The following AATK variants were observed in gnomAD, a reference collection of about 807,000 sequenced individuals.
The protein encoded by AATK is serine/threonine-protein kinase LMTK1.
In AATK, 91 loss-of-function variants were observed where a neutral mutation model predicts 114.3. The observed-to-expected ratio is 0.80, with a 90% confidence interval of 0.67 to 0.95. The LOEUF (loss-of-function observed/expected upper bound fraction) is 0.95, where lower values mean the gene tolerates loss of function less well. AATK is among the 40% of genes least tolerant of loss of function. The probability of loss-of-function intolerance (pLI) is 0.00; values close to 1 mark genes in which losing one functional copy is unlikely to be tolerated. For missense variants in AATK, 2,176 were observed against 1,965.2 expected, an observed-to-expected ratio of 1.11 and a Z score of -2.03; for synonymous variants, 1,075 against 916.5, an observed-to-expected ratio of 1.17 and a Z score of -3.12.
intron 1 of AATK, 51 bp downstream of exon 1, chr17:81,165,887 T>TCCGC: frequency 6.4e-7 from 1 of 1,551,344 alleles, no homozygotes; most frequent in South Asian, 1.2e-5. Context: ...GGGCATCACG[T>TCCGC]CCGCAGCGGA....
Position 81,132,100 on chromosome 17 carries a change from G to C in AATK, c.190-895C>G, listed in dbSNP as rs772112930. On this transcript the variant is annotated intron_variant, in intron 2 of 13. Coordinates refer to ENST00000326724, the MANE Select transcript of AATK (RefSeq NM_001080395.3). ...CCCCAAGTCCAGGGCACATTCCTGC[G>C]CTGAGAGCCAAAGTCTCCAAAGTCC... 29 of 1,118,304 alleles carry C rather than the reference G, an allele frequency of 2.6e-5. No homozygotes were observed. The Middle Eastern group carries it at 9.1e-4, about 35-fold the overall frequency. The allele number at this position is 1,118,304 out of a possible 1,614,324, so 69.3% of individuals were successfully genotyped here. A position where few individuals can be genotyped will look rare whatever the true frequency, so the allele number is the denominator to read the frequency against.
chr17:81,137,131 G>A (rs1057495842), intron 1 of AATK, among the ~76,000 whole-genome samples: 3 of 152,066 alleles, frequency 2.0e-5, no homozygotes, highest in Admixed American at 2.0e-4. Context: ...GGTGGCACAA[G>A]CCTGTAATCC....
intron 1 of AATK, among the ~76,000 whole-genome samples, chr17:81,138,475 G>A (rs1025464230): frequency 1.5e-5 from 2 of 131,654 alleles, no homozygotes; most frequent in African/African-American, 6.1e-5. Flanking sequence ...CCACCCACAT[G>A]CACACATGCA....
chr17:81,164,539 G>A (rs1193753815), intron 1 of AATK, among the ~76,000 whole-genome samples: 1 of 152,244 alleles, frequency 6.6e-6, no homozygotes, highest in East Asian at 1.9e-4. Flanking sequence ...TGTTTACCCA[G>A]AGAAGGGCAG....
intron 5 of AATK, 33 bp from the exon 6 acceptor site, chr17:81,127,703 G>C (rs2060864784): frequency 1.3e-6 from 2 of 1,551,042 alleles, no homozygotes; most frequent in Non-Finnish European, 8.7e-7. Context: ...CCTGACTTGG[G>C]AGGAGGTGGG....
chr17:81,160,157 G>T, intron 1 of AATK: 1 of 673,734 alleles, frequency 1.5e-6, no homozygotes, highest in East Asian at 1.4e-4. Flanking sequence ...TGCAGGAGCA[G>T]GAGTCTCCTG....
rs56171293 is a variant in AATK at position 81,120,999 on chromosome 17, G to A, written c.2937C>T (p.Leu979=). The A allele has an allele frequency of 6.8e-6, 11 of 1,610,744 alleles. No individual in the cohort carries two copies. Among genetic ancestry groups the A allele is most frequent in the African/African-American group, 6.7e-5 (5 of 74,998 alleles). The change falls in exon 11 of 14, where the codon CTC becomes CTT. Residue 979 remains leucine (L), a synonymous_variant. Coordinates refer to ENST00000326724, the MANE Select transcript of AATK (RefSeq NM_001080395.3). The part of the protein sequence containing the change: ...EGEGPGPETR[L]STSLSGLNEK... ...CGTTGAGGCCACTGAGGGAGGTGGA[G>A]AGCCGTGTCTCGGGCCCGGGGCCCT...
Position 81,120,490 on chromosome 17 carries a change from C to T in AATK, c.3446G>A (p.Gly1149Asp), listed in dbSNP as rs61743713. 3,014 of 1,506,602 alleles carry T rather than the reference C, an allele frequency of 2.0e-3. 52 individuals are homozygous for T. The African/African-American group carries it at 0.037, about 18-fold the overall frequency. 93.3% of individuals were successfully genotyped at this position (1,506,602 alleles called of 1,614,324 possible). The change falls in exon 11 of 14, where the codon GGC becomes GAC. Residue 1149 changes from glycine to aspartate, a missense_variant. Gly to Asp is a moderately conservative substitution (Grantham distance 94). Transcript: ENST00000326724. ...CCGGCCCTCCAAGGCCGCAGGGAGG[C>T]CGGGCAGAGCCAGGCGGAGTGGGGC... ...PRAPLRLALPGLPAALEGRPE... is the reference protein window; with the variant it reads ...PRAPLRLALPDLPAALEGRPE...
intron 1 of AATK, among the ~76,000 whole-genome samples, chr17:81,155,445 T>C (rs1210054994): frequency 6.6e-6 from 1 of 152,026 alleles, no homozygotes; most frequent in Non-Finnish European, 1.5e-5. Flanking sequence ...TGGAGTGCAG[T>C]GCGTGATCTT....
rs934512872 is a variant in AATK at position 81,121,531 on chromosome 17, G to A, written c.2405C>T (p.Pro802Leu). Residue 802 changes from proline to leucine, a missense_variant, in exon 11 of 14, where the codon CCA becomes CTA. Around this residue, in one of 4 missense-constraint regions of AATK, gnomAD observed 1,701 missense variants for 1,394.7 expected, o/e 1.22. Transcript: ENST00000326724. Reference sequence around the variant, plus strand: ...GGGAAGTGGGGCTCCCTCCTGGGATGGGGAGGGGACGGAAGGAAGGGGCAG... The same window carrying A: ...GGGAAGTGGGGCTCCCTCCTGGGATAGGGAGGGGACGGAAGGAAGGGGCAG... ...PRLPLPSVPSPSQEGAPLPSE... is the reference protein window; with the variant it reads ...PRLPLPSVPSLSQEGAPLPSE... 2 of 1,540,730 alleles carry A rather than the reference G, an allele frequency of 1.3e-6. No homozygotes were observed. Among genetic ancestry groups the A allele is most frequent in the African/African-American group, 1.4e-5 (1 of 73,304 alleles).
intron 1 of AATK, among the ~76,000 whole-genome samples, chr17:81,151,429 G>C (rs927323668): frequency 9.2e-5 from 14 of 151,888 alleles, no homozygotes; most frequent in Admixed American, 3.3e-4. Context: ...GACCGTGGCC[G>C]GGGACGCGTG....
At chr17:81,157,156 C>T (rs1435587693) in intron 1 of AATK, among the ~76,000 whole-genome samples, 1 of 152,216 alleles carries the variant, frequency 6.6e-6, no homozygotes, top group East Asian at 1.9e-4. Flanking sequence ...CAAGACACCG[C>T]CCCCGCCAAG....
chr17:81,163,335 G>T (rs768281644), intron 1 of AATK, among the ~76,000 whole-genome samples: 1 of 152,146 alleles, frequency 6.6e-6, no homozygotes, highest in East Asian at 1.9e-4. Flanking sequence ...CAGGTAGAAG[G>T]GGTGACCTCT....
intron 1 of AATK, among the ~76,000 whole-genome samples, chr17:81,158,104 C>G (rs188806692): frequency 1.3e-5 from 2 of 152,342 alleles, no homozygotes; most frequent in Non-Finnish European, 1.5e-5. Flanking sequence ...GGATGCATGC[C>G]GGCCACGGGT....
intron 1 of AATK, among the ~76,000 whole-genome samples, chr17:81,142,849 G>A (rs771515303): frequency 4.8e-5 from 7 of 145,806 alleles, no homozygotes; most frequent in South Asian, 4.7e-4. Context: ...CCCTATCCAC[G>A]GAGGTGTGGA....
At chr17:81,140,513 C>T (rs375921704) in intron 1 of AATK, among the ~76,000 whole-genome samples, 1 of 152,170 alleles carries the variant, frequency 6.6e-6, no homozygotes, top group African/African-American at 2.4e-5. Flanking sequence ...GCTTTGCAGG[C>T]GGGATTTAGG....
chr17:81,135,630 G>A (rs1439396274), intron 1 of AATK: 1 of 152,300 alleles, frequency 6.6e-6, no homozygotes, highest in Non-Finnish European at 1.5e-5. Context: ...AGGGCTGCCC[G>A]AGGTGGCACA....
intron 2 of AATK, among the ~76,000 whole-genome samples, chr17:81,132,415 G>A (rs184010186): frequency 1.7e-4 from 26 of 152,320 alleles, no homozygotes; most frequent in African/African-American, 4.8e-4. Flanking sequence ...TGGCTCTGTC[G>A]GTATTCCCGC....
At chr17:81,148,375 G>A (rs2061250527) in intron 1 of AATK, among the ~76,000 whole-genome samples, 1 of 152,172 alleles carries the variant, frequency 6.6e-6, no homozygotes, top group Non-Finnish European at 1.5e-5. Context: ...CCTCCACCCT[G>A]ACATGCTGTC....
Sources: gnomAD v4.1 joint callset for allele counts (sites outside exome capture counted in the v4.1 genomes callset) on GRCh38, gnomAD v4.1.1 for gene constraint, gnomAD v4.1.1 regional missense constraint, MANE v1.5 for transcripts, NCBI Gene and HGNC (gene_info 2026-07-23, HGNC 2026-07-21) for gene names.